TUBGCP6: variants seen among roughly 807,000 people sequenced by gnomAD.
TUBGCP6 encodes the protein tubulin gamma complex component 6.
TUBGCP6 carries 161 observed loss-of-function variants against 175.8 expected under a neutral mutation model. That is an observed-to-expected ratio of 0.92 (90% CI 0.81 to 1.04). The LOEUF is 1.04. Ranked by LOEUF, TUBGCP6 falls within the 50% of genes least tolerant of loss-of-function variation. The pLI is 0.00. For synonymous variants in TUBGCP6, 1,173 were observed against 1,030.5 expected, an observed-to-expected ratio of 1.14 and a Z score of -2.65; for missense variants, 2,572 against 2,433.0, an observed-to-expected ratio of 1.06 and a Z score of -1.20.
In TUBGCP6 at chr22:50,221,572, C is replaced by T; in HGVS notation, c.2787G>A (p.Leu929=). ...EVALQTINLD[L]PPSAPGEAPA... ...GTGCCTCCCCAGGAGCTGAGGGGGG[C>T]AGGTCCAAGTTAATGGTCTGCAGCG... Residue 929 remains leucine (L), a synonymous_variant, in exon 16 of 25, where the codon CTG becomes CTA. Coordinates refer to ENST00000248846, the MANE Select transcript of TUBGCP6 (RefSeq NM_020461.4). 1 of 1,586,118 alleles carries T rather than the reference C, an allele frequency of 6.3e-7. No individual in the cohort carries two copies. The highest frequency in any genetic ancestry group is 8.6e-7 in the Non-Finnish European group (1 of 1,164,076).
At chr22:50,233,164 G>T in intron 3 of TUBGCP6, 152 bp downstream of exon 3, 1 of 760,542 alleles carries the variant, frequency 1.3e-6, no homozygotes, top group Non-Finnish European at 2.1e-6. Context: ...GATGATGCTG[G>T]CTGTCATCAC....
In TUBGCP6 at chr22:50,242,513, C is replaced by T. The variant is rs1393301049; in HGVS notation, c.741+1206G>A. 2.0e-5 allele frequency among the ~76,000 whole-genome samples: 3 copies of T among 152,118 alleles called. No homozygotes were observed. In the East Asian group the frequency reaches 5.8e-4, roughly 29 times the overall value. ...CTTGTCTCAAAAACAAAAAACAAAA[C>T]TGCTGTACACCAAGACATTTGCTGT... On this transcript the variant is annotated intron_variant, in intron 1 of 24. Coordinates refer to ENST00000248846, the MANE Select transcript of TUBGCP6 (RefSeq NM_020461.4).
At chr22:50,219,538 T>TG in intron 18 of TUBGCP6, 82 bp from the exon 19 acceptor site, 5 of 1,585,194 alleles carry the variant, frequency 3.2e-6, no homozygotes, top group Non-Finnish European at 4.3e-6. Context: ...GAGCACGTGC[T>TG]GGGAACTGGC....
chr22:50,219,450 G>A lies in TUBGCP6; in HGVS notation c.4322C>T (p.Pro1441Leu), dbSNP rs201730639. 1.7e-4 allele frequency: 264 copies of A among 1,577,694 alleles called. No homozygotes were observed. The African/African-American group carries it at 2.5e-3, about 15-fold the overall frequency. Reference protein sequence around the residue: ...YPDSYESMSEPPIAHLLRPVL... With the variant: ...YPDSYESMSELPIAHLLRPVL... ...GGGGCGCAAAAGATGAGCAATGGGC[G>A]GCTCGGCTGCGGGAGATGGAGCACG... is the stretch of plus-strand genomic sequence containing the variant. The change falls in exon 19 of 25, where the codon CCG becomes CTG. Residue 1441 changes from proline to leucine, a missense_variant. Coordinates refer to ENST00000248846, the MANE Select transcript of TUBGCP6 (RefSeq NM_020461.4).
Position 50,222,565 on chromosome 22 carries a change from C to T in TUBGCP6, c.2298G>A (p.Lys766=), listed in dbSNP as rs1267352115. The T allele has an allele frequency of 1.2e-6, 2 of 1,612,748 alleles. No homozygotes were observed. The highest frequency in any genetic ancestry group is 1.7e-6 in the Non-Finnish European group (2 of 1,180,032). ...CCCGACGAGCTGCCTCTGCAGAGAG[C>T]TTGCTGTAGTGGTCGACCAGTGCCT... ...ARQALVDHYS[K]LSAEAARREQ... is the part of the protein sequence containing the mutation. The change falls in exon 14 of 25, where the codon AAG becomes AAA. Residue 766 remains lysine (K), a synonymous_variant. Coordinates refer to ENST00000248846, the MANE Select transcript of TUBGCP6 (RefSeq NM_020461.4).
Position 50,227,015 on chromosome 22 carries a change from C to T in TUBGCP6, c.1475G>A (p.Arg492Lys). 6.2e-7 allele frequency: 1 copy of T among 1,612,286 alleles called. No homozygotes were observed. The highest frequency in any genetic ancestry group is 8.5e-7 in the Non-Finnish European group (1 of 1,179,580). ...ACAACTCACGGTGGGAAACGCGGCC[C>T]TGGGGCCTCCTCCACAGGTGCCCGG... The part of the protein sequence containing the change: ...VLPGTCGGGP[R>K]AAFPTGVKLL... Residue 492 changes from arginine to lysine, a missense_variant, in exon 6 of 25, where the codon AGG (arginine) becomes AAG (lysine). Arg to Lys is a conservative substitution (Grantham distance 26). Coordinates refer to ENST00000248846, the MANE Select transcript of TUBGCP6 (RefSeq NM_020461.4).
intron 10 of TUBGCP6, 105 bp from the exon 11 acceptor site, chr22:50,224,697 A>T (rs913885778): frequency 5.4e-6 from 6 of 1,105,180 alleles, no homozygotes; most frequent in African/African-American, 4.6e-5. Flanking sequence ...ACATGAGCTT[A>T]AGAGTTCAAG....
In TUBGCP6 at chr22:50,233,471, C is replaced by T. The variant is rs766210555; in HGVS notation, c.961G>A (p.Asp321Asn). Residue 321 changes from aspartate to asparagine, a missense_variant, in exon 3 of 25, where the codon GAC becomes AAC. Coordinates refer to ENST00000248846, the MANE Select transcript of TUBGCP6 (RefSeq NM_020461.4). ...CCTTGGTGGAGCCTGCAGAACTTGT[C>T]GAAAGCGTCCCTTCCCGCCTCCGTC... is the stretch of plus-strand genomic sequence containing the variant. ...YLTEAGRDAF[D>N]KFCRLHQGEL... 2.8e-5 allele frequency: 45 copies of T among 1,612,460 alleles called. No homozygotes were observed. The highest frequency in any genetic ancestry group is 8.8e-5 in the South Asian group (8 of 90,810).
chr22:50,244,332 T>C lies in TUBGCP6; in HGVS notation c.128A>G (p.Asn43Ser), dbSNP rs371868625. ...TTGAAAAAGATTTGTGAAAAGAGCATTGTAGGCCACCTTCTTGAGGCTCCG... is the reference window on the plus strand; with the variant it reads ...TTGAAAAAGATTTGTGAAAAGAGCACTGTAGGCCACCTTCTTGAGGCTCCG... Reference protein sequence around the residue: ...AKRSLKKVAYNALFTNLFQDE... With the variant: ...AKRSLKKVAYSALFTNLFQDE... Residue 43 changes from asparagine (N) to serine (S), a missense_variant, in exon 1 of 25, where the codon AAT (asparagine) becomes AGT (serine). Coordinates refer to ENST00000248846, the MANE Select transcript of TUBGCP6 (RefSeq NM_020461.4). The C allele has an allele frequency of 5.0e-6, 8 of 1,613,552 alleles. No individual in the cohort carries two copies. The highest frequency in any genetic ancestry group is 6.8e-6 in the Non-Finnish European group (8 of 1,180,034).
rs918152079 is a variant in TUBGCP6 at position 50,244,438 on chromosome 22, A to G, written c.22T>C (p.Phe8Leu). 13 of 1,612,062 alleles carry G rather than the reference A, an allele frequency of 8.1e-6. No individual in the cohort carries two copies. The highest frequency in any genetic ancestry group is 1.0e-5 in the Non-Finnish European group (12 of 1,179,612). Residue 8 changes from phenylalanine to leucine, a missense_variant, in exon 1 of 25, where the codon TTC (phenylalanine) becomes CTC (leucine). Coordinates refer to ENST00000248846, the MANE Select transcript of TUBGCP6 (RefSeq NM_020461.4). The stretch of plus-strand genomic sequence containing the variant: ...AGGAGGGCCTCACACAGGTCGTCGA[A>G]CAGCTGCGTGATGCTGGCCATGCCC... The part of the protein sequence containing the change: MASITQL[F>L]DDLCEALLPA...
At chr22:50,229,258 G>A (rs998185344) in intron 4 of TUBGCP6, 146 bp downstream of exon 4, 3 of 916,974 alleles carry the variant, frequency 3.3e-6, no homozygotes, top group African/African-American at 1.7e-5. Context: ...CATCCCTCAA[G>A]AGCCACTATC....
At position 50,220,486 on chromosome 22, in the gene TUBGCP6, G is replaced by A; in HGVS notation, c.3873C>T (p.Pro1291=). 1 of 1,613,360 alleles carries A rather than the reference G, an allele frequency of 6.2e-7. No homozygotes were observed. The highest frequency in any genetic ancestry group is 8.5e-7 in the Non-Finnish European group (1 of 1,179,978). Residue 1291 remains proline (P), a synonymous_variant, in exon 16 of 25, where the codon CCC becomes CCT. Coordinates refer to ENST00000248846, the MANE Select transcript of TUBGCP6 (RefSeq NM_020461.4). Reference sequence around the variant, plus strand: ...GGCCAGGGGGGCTCTGTTGGGGCCTGGGTGTGTTGGGCTCAGCTTCTGGTG... The same window carrying A: ...GGCCAGGGGGGCTCTGTTGGGGCCTAGGTGTGTTGGGCTCAGCTTCTGGTG... ...ALSPEAEPNT[P]RPQQSPPGHT... is the part of the protein sequence containing the mutation.
In TUBGCP6 at chr22:50,221,017, G is replaced by A. The variant is rs780539255; in HGVS notation, c.3342C>T (p.Ser1114=). ...CTGACACATTCTCCCCGACCCTGAT[G>A]CTGGCGTTGGACACATGTCCATGGA... ...WNIHGHVSNA[S]IRVGENVSDV... Residue 1114 remains serine, a synonymous_variant, in exon 16 of 25, where the codon AGC becomes AGT. Coordinates refer to ENST00000248846, the MANE Select transcript of TUBGCP6 (RefSeq NM_020461.4). 6.2e-7 allele frequency: 1 copy of A among 1,611,916 alleles called. No individual in the cohort carries two copies. The highest frequency in any genetic ancestry group is 8.5e-7 in the Non-Finnish European group (1 of 1,179,556).
In TUBGCP6 at chr22:50,219,091, G is replaced by A. The variant is rs763089483; in HGVS notation, c.4603C>T (p.Leu1535Phe). The A allele has an allele frequency of 3.8e-5, 61 of 1,612,636 alleles. No individual in the cohort carries two copies. The highest frequency in any genetic ancestry group is 4.9e-5 in the Non-Finnish European group (58 of 1,179,982). The change falls in exon 20 of 25, where the codon CTC becomes TTC. Residue 1535 changes from leucine to phenylalanine, a missense_variant. Physicochemically the swap from Leu to Phe is conservative, Grantham distance 22. Coordinates refer to ENST00000248846, the MANE Select transcript of TUBGCP6 (RefSeq NM_020461.4). ...ACCTTCTCAAAGAGCAGGTCGCTGA[G>A]GGACTGGGCGAACTCGCCGTCCTCC... is the stretch of plus-strand genomic sequence containing the variant. ...LMEDGEFAQS[L>F]SDLLFEKLGA...
At chr22:50,225,687 G>T in intron 10 of TUBGCP6, 107 bp downstream of exon 10, 1 of 1,415,184 alleles carries the variant, frequency 7.1e-7, no homozygotes, top group South Asian at 1.5e-5. Context: ...AATGCCAGAA[G>T]GGAGGCCCCC....
In TUBGCP6 at chr22:50,219,951, C is replaced by T; in HGVS notation, c.4167+6G>A. On this transcript the variant is annotated splice_donor_region_variant and intron_variant, in intron 17 of 24. Coordinates refer to ENST00000248846, the MANE Select transcript of TUBGCP6 (RefSeq NM_020461.4). Reference sequence around the variant, plus strand: ...CTGTGGGACCCCCAGGCTGCATCCACCTAACCTGTGAGTTGAGAGGCCAAT... The same window carrying T: ...CTGTGGGACCCCCAGGCTGCATCCATCTAACCTGTGAGTTGAGAGGCCAAT... The T allele has an allele frequency of 6.2e-7, 1 of 1,614,086 alleles. No individual in the cohort carries two copies.
In TUBGCP6 at chr22:50,219,137, T is replaced by C; in HGVS notation, c.4557A>G (p.Ala1519=). 6.2e-7 allele frequency: 1 copy of C among 1,613,108 alleles called. No individual in the cohort carries two copies. Reference sequence around the variant, plus strand: ...CCTCCATCAGCAGGAAGTGCCGCAGTGCCTCATAGTGCGCCTCCAGGTGCA... The same window carrying C: ...CCTCCATCAGCAGGAAGTGCCGCAGCGCCTCATAGTGCGCCTCCAGGTGCA... The part of the protein sequence containing the change: ...VELHLEAHYE[A]LRHFLLMEDG... The change falls in exon 20 of 25, where the codon GCA becomes GCG. Residue 1519 remains alanine (A), a synonymous_variant. Coordinates refer to ENST00000248846, the MANE Select transcript of TUBGCP6 (RefSeq NM_020461.4).
Position 50,227,175 on chromosome 22 carries a change from TG to T in TUBGCP6, c.1413-99del, listed in dbSNP as rs78684038. On this transcript the variant is annotated intron_variant, in intron 5 of 24. Coordinates refer to ENST00000248846, the MANE Select transcript of TUBGCP6 (RefSeq NM_020461.4). Reference sequence around the variant, plus strand: ...AGTCTCCACGTATCTTTATGCTCCCTGGGGCAACTAACTTTAGATGCAGGCT... The same window carrying T: ...AGTCTCCACGTATCTTTATGCTCCCTGGGCAACTAACTTTAGATGCAGGCT... 37 of 1,109,390 alleles carry T rather than the reference TG, an allele frequency of 3.3e-5. 1 individual carries two copies. The East Asian group carries it at 6.7e-4, about 20-fold the overall frequency. 68.7% of individuals were successfully genotyped at this position (1,109,390 alleles called of 1,614,324 possible).
chr22:50,233,099 T>C (rs558394130), intron 3 of TUBGCP6, among the ~76,000 whole-genome samples: 1 of 152,236 alleles, frequency 6.6e-6, no homozygotes, highest in Non-Finnish European at 1.5e-5. Context: ...ATGTTATTTC[T>C]CTGCAGTTTT....
Sources: allele counts gnomAD v4.1 joint callset (sites outside exome capture counted in the v4.1 genomes callset), GRCh38; gene constraint gnomAD v4.1.1; transcripts MANE v1.5; gene names NCBI Gene and HGNC (gene_info 2026-07-23, HGNC 2026-07-21).